The following ZMAT4 variants were observed in gnomAD, a reference collection of about 807,000 sequenced individuals.
ZMAT4 encodes zinc finger matrin-type 4.
ZMAT4 carries 17 observed loss-of-function variants against 28.7 expected under a neutral mutation model. The observed-to-expected ratio is 0.59, with a 90% CI of 0.41 to 0.89. The LOEUF (loss-of-function observed/expected upper bound fraction) is 0.89. ZMAT4 is among the 40% of genes least tolerant of loss of function. The pLI is 0.00. For synonymous variants in ZMAT4, 117 were observed against 109.2 expected, an observed-to-expected ratio of 1.07 and a Z score of -0.44; for missense variants, 240 against 283.8, an observed-to-expected ratio of 0.85 and a Z score of 1.11.
intron 1 of ZMAT4, among the ~76,000 whole-genome samples, chr8:40,860,608 A>G (rs1189115535): frequency 6.6e-6 from 1 of 152,196 alleles, no homozygotes; most frequent in Non-Finnish European, 1.5e-5. Flanking sequence ...CCTTAGGATA[A>G]TAGCTCCCAA....
intron 3 of ZMAT4, among the ~76,000 whole-genome samples, chr8:40,706,232 G>A (rs1016746267): frequency 6.6e-6 from 1 of 151,856 alleles, no homozygotes; most frequent in African/African-American, 2.4e-5. Context: ...TTTTGTATTT[G>A]TTTAGTAGAG....
intron 1 of ZMAT4, among the ~76,000 whole-genome samples, chr8:40,879,613 G>T (rs532899113): frequency 6.6e-6 from 1 of 152,190 alleles, no homozygotes; most frequent in South Asian, 2.1e-4. Flanking sequence ...AGGCAACTGG[G>T]TCTCATTTTC....
chr8:40,834,614 G>T (rs933879583), intron 1 of ZMAT4, among the ~76,000 whole-genome samples: 2 of 152,106 alleles, frequency 1.3e-5, no homozygotes, highest in Non-Finnish European at 2.9e-5. Flanking sequence ...GATCTCACGG[G>T]AAAGGTTCAC....
intron 1 of ZMAT4, among the ~76,000 whole-genome samples, chr8:40,878,504 T>C (rs528319407): frequency 2.0e-5 from 3 of 152,348 alleles, no homozygotes; most frequent in South Asian, 4.1e-4. Flanking sequence ...AGAAGTAAGT[T>C]GTCCAACTTA....
At chr8:40,578,742 C>T (rs940462341) in intron 6 of ZMAT4, among the ~76,000 whole-genome samples, 3 of 152,108 alleles carry the variant, frequency 2.0e-5, no homozygotes, top group Non-Finnish European at 4.4e-5. Flanking sequence ...CAGCTTTGTT[C>T]TTTTGAGTTA....
intron 5 of ZMAT4, among the ~76,000 whole-genome samples, chr8:40,590,031 T>G (rs1267525293): frequency 1.4e-5 from 2 of 138,758 alleles, no homozygotes; most frequent in Non-Finnish European, 3.1e-5. Context: ...CTTCCCTCCC[T>G]TCCTTTTTAG....
intron 5 of ZMAT4, among the ~76,000 whole-genome samples, chr8:40,598,425 A>G (rs138458107): frequency 1.2e-4 from 18 of 151,970 alleles, no homozygotes; most frequent in African/African-American, 4.3e-4. Context: ...CTGTATTCTC[A>G]TTGTTCAACT....
At chr8:40,809,221 A>C (rs1236031788) in intron 2 of ZMAT4, among the ~76,000 whole-genome samples, 5 of 152,192 alleles carry the variant, frequency 3.3e-5, no homozygotes, top group Non-Finnish European at 7.3e-5. Context: ...CAAATACTTC[A>C]TGTTTTCACT....
chr8:40,753,300 C>A (rs1352733187), intron 3 of ZMAT4, among the ~76,000 whole-genome samples: 1 of 151,960 alleles, frequency 6.6e-6, no homozygotes, highest in Non-Finnish European at 1.5e-5. Flanking sequence ...AGGGCCTTTG[C>A]ACATCCTACT....
rs1585993486 is a variant in ZMAT4 at position 40,752,421 on chromosome 8, C to T, written c.192+15220G>A. Among the ~76,000 whole-genome samples the T allele has an allele frequency of 3.9e-5, 6 of 152,316 alleles. No individual in the cohort carries two copies. The South Asian group carries it at 8.3e-4, about 21-fold the overall frequency. Reference sequence around the variant, plus strand: ...CCAGTCCCTTCTACCAGGCTGCCCACTACCCCCTTGGCTGGAAGCAAACTG... The same window carrying T: ...CCAGTCCCTTCTACCAGGCTGCCCATTACCCCCTTGGCTGGAAGCAAACTG... On this transcript the variant is annotated intron_variant, in intron 3 of 6. Transcript: ENST00000297737.
chr8:40,798,579 C>A (rs550519586), intron 2 of ZMAT4, among the ~76,000 whole-genome samples: 1 of 152,168 alleles, frequency 6.6e-6, no homozygotes, highest in Non-Finnish European at 1.5e-5. Flanking sequence ...CACTTTAGAG[C>A]CACAGAGGTC....
chr8:40,850,902 A>G (rs1466405566), intron 1 of ZMAT4, among the ~76,000 whole-genome samples: 1 of 152,202 alleles, frequency 6.6e-6, no homozygotes, highest in Non-Finnish European at 1.5e-5. Context: ...GCTTTTGTCT[A>G]TGTGCGGCAT....
chr8:40,657,308 G>C (rs1368910724), intron 5 of ZMAT4, among the ~76,000 whole-genome samples: 1 of 152,030 alleles, frequency 6.6e-6, no homozygotes, highest in Non-Finnish European at 1.5e-5. Flanking sequence ...TTTTTCTTCT[G>C]GTATTTCAGT....
At chr8:40,549,069 GA>G (rs1444446822) in intron 6 of ZMAT4, among the ~76,000 whole-genome samples, 2 of 152,100 alleles carry the variant, frequency 1.3e-5, no homozygotes, top group East Asian at 3.9e-4. Flanking sequence ...CCACCCTCAT[GA>G]ATATGGAGGC....
intron 4 of ZMAT4, among the ~76,000 whole-genome samples, chr8:40,678,531 T>C (rs1382621413): frequency 6.6e-6 from 1 of 152,182 alleles, no homozygotes; most frequent in Non-Finnish European, 1.5e-5. Flanking sequence ...CCCATATGCT[T>C]TGTGGGGCCT....
At chr8:40,563,873 G>A (rs1429000465) in intron 6 of ZMAT4, among the ~76,000 whole-genome samples, 1 of 151,986 alleles carries the variant, frequency 6.6e-6, no homozygotes, top group Non-Finnish European at 1.5e-5. Flanking sequence ...AGGCTGTGAG[G>A]GAGCAGGAGG....
rs112733286 is a variant in ZMAT4, at chr8:40,893,729, G to T, written c.-5+3954C>A. ...GTTTGTTATAATGGATAAATTACAC[G>T]TGGCAGGGGTTTGGTGTACAGATAG... On this transcript the variant is annotated intron_variant, in intron 1 of 6. Transcript: ENST00000297737. 4.2e-3 allele frequency among the ~76,000 whole-genome samples: 635 copies of T among 152,232 alleles called. 1 individual carries two copies. Among genetic ancestry groups the T allele is most frequent in the African/African-American group, 0.014 (597 of 41,530 alleles).
chr8:40,731,371 A>G (rs1811533969), intron 3 of ZMAT4, among the ~76,000 whole-genome samples: 1 of 152,154 alleles, frequency 6.6e-6, no homozygotes, highest in African/African-American at 2.4e-5. Flanking sequence ...AAGACTTTAA[A>G]TTCATACTTC....
At chr8:40,734,738 C>T (rs1421925254) in intron 3 of ZMAT4, among the ~76,000 whole-genome samples, 1 of 152,092 alleles carries the variant, frequency 6.6e-6, no homozygotes, top group South Asian at 2.1e-4. Flanking sequence ...TCCAGAACAC[C>T]ACCATCCCAT....
Sources: gnomAD v4.1 joint callset for allele counts (sites outside exome capture counted in the v4.1 genomes callset) on GRCh38, gnomAD v4.1.1 for gene constraint, MANE v1.5 for transcripts, NCBI Gene and HGNC (gene_info 2026-07-23, HGNC 2026-07-21) for gene names.